The following PPA2 variants were observed in gnomAD, a reference collection of about 807,000 sequenced individuals.
PPA2 encodes the protein inorganic pyrophosphatase 2, also known as inorganic pyrophosphatase 2, mitochondrial.
A neutral mutation model predicts 49.5 loss-of-function variants in PPA2; 48 were observed. The ratio of observed to expected loss-of-function variants is 0.97; its 90% CI spans 0.77 to 1.23. The LOEUF (loss-of-function observed/expected upper bound fraction) is 1.23. PPA2 is among the 50% of genes most tolerant of loss of function. PPA2 has a pLI of 0.00. For synonymous variants in PPA2, 131 were observed against 139.9 expected (o/e 0.94, Z 0.45); for missense variants, 429 against 410.1 (o/e 1.05, Z -0.40).
intron 1 of PPA2, among the ~76,000 whole-genome samples, chr4:105,459,996 A>G (rs1175946799): frequency 3.9e-5 from 6 of 152,180 alleles, no homozygotes; most frequent in Non-Finnish European, 5.9e-5. Context: ...ACACAAATCT[A>G]CTTTCTGTCA....
chr4:105,379,513 G>A (rs11733020), intron 10 of PPA2, among the ~76,000 whole-genome samples: 59,890 of 151,678 alleles, frequency 0.39, 13,204 homozygotes, highest in East Asian at 0.68. Flanking sequence ...GCCCAGGCTG[G>A]AGTGCAATGG....
At chr4:105,386,491 A>C in intron 10 of PPA2, 76 bp downstream of exon 10, 658 of 1,342,596 alleles carry the variant, frequency 4.9e-4, no homozygotes, top group Non-Finnish European at 6.3e-4. Context: ...TTTCATTGCT[A>C]GAGATTTCAG....
chr4:105,420,414 C>CT (rs1350683156), intron 7 of PPA2, among the ~76,000 whole-genome samples: 1 of 152,134 alleles, frequency 6.6e-6, no homozygotes, highest in Non-Finnish European at 1.5e-5. Context: ...CAAGGATTTA[C>CT]TTTTTAAATG....
intron 9 of PPA2, among the ~76,000 whole-genome samples, chr4:105,394,163 T>C (rs997984756): frequency 1.3e-5 from 2 of 152,010 alleles, no homozygotes; most frequent in African/African-American, 4.8e-5. Context: ...GGCCAGGAAT[T>C]CGAGACCACC....
intron 10 of PPA2, among the ~76,000 whole-genome samples, chr4:105,372,366 G>A (rs1041615594): frequency 4.6e-5 from 7 of 152,166 alleles, no homozygotes; most frequent in Non-Finnish European, 7.4e-5. Context: ...AAGGCTCTCC[G>A]TGCTTAAATC....
chr4:105,461,320 G>A (rs770578141), intron 1 of PPA2, among the ~76,000 whole-genome samples: 22 of 152,194 alleles, frequency 1.4e-4, no homozygotes, highest in Non-Finnish European at 2.4e-4. Context: ...GGAGTTTTCA[G>A]CTCTCTGATG....
chr4:105,371,373 GT>G (rs1305472468), intron 10 of PPA2, among the ~76,000 whole-genome samples: 11 of 152,212 alleles, frequency 7.2e-5, no homozygotes, highest in Non-Finnish European at 1.2e-4. Flanking sequence ...TTATGCAATA[GT>G]TTTTTTCCCC....
chr4:105,462,296 G>A (rs139415646), intron 1 of PPA2, among the ~76,000 whole-genome samples: 1 of 152,154 alleles, frequency 6.6e-6, no homozygotes, highest in African/African-American at 2.4e-5. Context: ...TCTTAGGTTA[G>A]AACTTTCTTA....
chr4:105,436,280 C>T (rs1724051709), intron 6 of PPA2, among the ~76,000 whole-genome samples: 1 of 151,886 alleles, frequency 6.6e-6, no homozygotes, highest in Non-Finnish European at 1.5e-5. Flanking sequence ...GGTAAAACAT[C>T]TCTGCAAGAA....
chr4:105,412,446 A>C (rs1560618870), intron 7 of PPA2, among the ~76,000 whole-genome samples: 1 of 152,238 alleles, frequency 6.6e-6, no homozygotes, highest in African/African-American at 2.4e-5. Flanking sequence ...CATGACTAAA[A>C]CACCAAAAGC....
intron 10 of PPA2, among the ~76,000 whole-genome samples, chr4:105,386,060 T>C (rs1052404267): frequency 1.6e-4 from 24 of 151,962 alleles, no homozygotes; most frequent in African/African-American, 5.3e-4. Context: ...TTTATATTTT[T>C]AGTAGAGATG....
chr4:105,473,516 C>T (rs1223283963), intron 1 of PPA2: 3 of 469,980 alleles, frequency 6.4e-6, no homozygotes, highest in African/African-American at 2.1e-5. Flanking sequence ...CCTTCCCTTC[C>T]TCACTGAGTT....
chr4:105,413,466 A>T (rs1722856205), intron 7 of PPA2, among the ~76,000 whole-genome samples: 1 of 152,214 alleles, frequency 6.6e-6, no homozygotes, highest in Non-Finnish European at 1.5e-5. Context: ...CTTAAAGTAT[A>T]AAAAGAAAAA....
At chr4:105,401,302 AG>A (rs752652162) in intron 7 of PPA2, among the ~76,000 whole-genome samples, 58 of 152,296 alleles carry the variant, frequency 3.8e-4, no homozygotes, top group Non-Finnish European at 6.8e-4. Flanking sequence ...TGATAGAACT[AG>A]TATTATATAA....
chr4:105,372,152 G>C (rs1376429523), intron 10 of PPA2, among the ~76,000 whole-genome samples: 1 of 152,168 alleles, frequency 6.6e-6, no homozygotes, highest in Non-Finnish European at 1.5e-5. Flanking sequence ...AGGATTCCAG[G>C]GTCCTGGGTA....
chr4:105,403,341 A>T (rs2726510), intron 7 of PPA2, among the ~76,000 whole-genome samples: 56,519 of 151,712 alleles, frequency 0.37, 12,420 homozygotes, highest in East Asian at 0.67. Flanking sequence ...CACCATGCCC[A>T]GCCTATCACC....
chr4:105,391,656 T>C (rs2636699), intron 9 of PPA2, among the ~76,000 whole-genome samples: 40,413 of 152,000 alleles, frequency 0.27, 6,226 homozygotes, highest in Non-Finnish European at 0.34. Context: ...AAAATGAAGA[T>C]GTCCACCAAA....
intron 5 of PPA2, chr4:105,446,147 G>A (rs936326584): frequency 5.7e-6 from 2 of 350,250 alleles, no homozygotes; most frequent in African/African-American, 2.1e-5. Flanking sequence ...TATTCAAAAT[G>A]TCAAATGTGA....
chr4:105,434,356 C>A (rs1445532163), intron 6 of PPA2, among the ~76,000 whole-genome samples: 4 of 152,170 alleles, frequency 2.6e-5, no homozygotes, highest in African/African-American at 9.7e-5. Flanking sequence ...GTTGGCTATA[C>A]TGGTTAATTC....
Sources: allele counts gnomAD v4.1 joint callset (sites outside exome capture counted in the v4.1 genomes callset), GRCh38; gene constraint gnomAD v4.1.1; transcripts MANE v1.5; gene names NCBI Gene and HGNC (gene_info 2026-07-23, HGNC 2026-07-21).